The following KCTD16 variants were observed in gnomAD, a reference collection of about 807,000 sequenced individuals.
The protein encoded by KCTD16 is potassium channel tetramerization domain containing 16.
KCTD16 carries 13 observed loss-of-function variants against 33.2 expected under a neutral mutation model. That is an observed-to-expected ratio of 0.39 (90% CI 0.25 to 0.62). The LOEUF (loss-of-function observed/expected upper bound fraction) is 0.62. Ranked by LOEUF, KCTD16 falls within the 20% of genes least tolerant of loss-of-function variation. KCTD16 has a pLI of 0.50. For synonymous variants in KCTD16, 197 were observed against 195.3 expected (o/e 1.01, Z -0.07); for missense variants, 441 against 525.1 (o/e 0.84, Z 1.57).
chr5:144,378,329 A>G (rs1418750483), intron 3 of KCTD16, among the ~76,000 whole-genome samples: 2 of 152,204 alleles, frequency 1.3e-5, no homozygotes, highest in East Asian at 3.9e-4. Context: ...AAGGTGGTGT[A>G]TATTGCCAGA....
At chr5:144,215,341 C>T (rs1369555971) in intron 3 of KCTD16, among the ~76,000 whole-genome samples, 1 of 152,180 alleles carries the variant, frequency 6.6e-6, no homozygotes. Context: ...TGATAAATAT[C>T]CCCAATAGAA....
intron 3 of KCTD16, among the ~76,000 whole-genome samples, chr5:144,291,669 A>G (rs987675515): frequency 5.9e-5 from 9 of 152,240 alleles, no homozygotes; most frequent in Non-Finnish European, 1.0e-4. Context: ...ATGGCTTCCA[A>G]TGAGGTACGC....
At chr5:144,394,851 T>C (rs1341511573) in intron 3 of KCTD16, among the ~76,000 whole-genome samples, 2 of 152,248 alleles carry the variant, frequency 1.3e-5, no homozygotes, top group Non-Finnish European at 2.9e-5. Context: ...TAAACTTCTT[T>C]CCTTTAAAAA....
rs963668978 is a variant in KCTD16, at chr5:144,478,360, T to C, written c.*4246T>C. 10 of 152,074 alleles carry C rather than the reference T, an allele frequency of 6.6e-5. No individual in the cohort carries two copies. Among genetic ancestry groups the C allele is most frequent in the African/African-American group, 2.2e-4 (9 of 41,448 alleles). 9.4% of individuals were successfully genotyped at this position (152,074 alleles called of 1,614,324 possible). ...CTACCCCTGCTGAAAGAATAGAGTC[T>C]TAAACTTTAATAATCACAGCCTTGT... On this transcript the variant is annotated 3_prime_UTR_variant, in exon 4 of 4. Transcript: ENST00000512467.
chr5:144,340,909 G>A (rs565294245), intron 3 of KCTD16, among the ~76,000 whole-genome samples: 3 of 152,060 alleles, frequency 2.0e-5, no homozygotes, highest in African/African-American at 4.8e-5. Context: ...AATTAGCCAG[G>A]CACGGTGGTG....
intron 3 of KCTD16, among the ~76,000 whole-genome samples, chr5:144,417,917 C>A (rs1753108156): frequency 6.6e-6 from 1 of 152,132 alleles, no homozygotes; most frequent in African/African-American, 2.4e-5. Flanking sequence ...GCTATGGACC[C>A]TCACAGTGAG....
At chr5:144,299,102 A>ATATATCACTATG (rs1756143771) in intron 3 of KCTD16, among the ~76,000 whole-genome samples, 1 of 8,212 alleles carries the variant, frequency 1.2e-4, no homozygotes, top group African/African-American at 3.2e-4. Flanking sequence ...CTATGTATAT[A>ATATATCACTATG]TATATATATA....
intron 3 of KCTD16, among the ~76,000 whole-genome samples, chr5:144,264,510 C>T (rs1222304235): frequency 1.3e-5 from 2 of 152,066 alleles, no homozygotes; most frequent in Non-Finnish European, 2.9e-5. Context: ...TGACTATAAT[C>T]CCAACACTTT....
chr5:144,205,924 C>T (rs977045055), intron 2 of KCTD16: 1 of 183,492 alleles, frequency 5.4e-6, no homozygotes, highest in Non-Finnish European at 1.1e-5. Flanking sequence ...ATACCTCGGT[C>T]GTTTACCTGT....
chr5:144,213,687 G>C (rs1753471850), intron 3 of KCTD16, among the ~76,000 whole-genome samples: 1 of 152,166 alleles, frequency 6.6e-6, no homozygotes, highest in Admixed American at 6.6e-5. Context: ...TTGGAGGATT[G>C]AAATGCTATA....
chr5:144,446,594 G>T (rs1269377933), intron 3 of KCTD16, among the ~76,000 whole-genome samples: 1 of 152,084 alleles, frequency 6.6e-6, no homozygotes, highest in African/African-American at 2.4e-5. Context: ...CACAGCGAAA[G>T]AAACTATCAT....
At chr5:144,285,962 CTT>C (rs34103216) in intron 3 of KCTD16, among the ~76,000 whole-genome samples, 27,492 of 117,152 alleles carry the variant, frequency 0.23, 2,680 homozygotes, top group Non-Finnish European at 0.29. Flanking sequence ...CCATCCTAAT[CTT>C]TTTTTTTTTT....
chr5:144,343,792 T>C (rs532953651), intron 3 of KCTD16, among the ~76,000 whole-genome samples: 91 of 152,336 alleles, frequency 6.0e-4, no homozygotes, highest in African/African-American at 2.1e-3. Context: ...TTTGTTCTCA[T>C]TGGTTTCAAA....
chr5:144,300,544 C>G lies in KCTD16; in HGVS notation c.832+92998C>G, dbSNP rs78701006. On this transcript the variant is annotated intron_variant, in intron 3 of 3. Coordinates refer to ENST00000512467, the MANE Select transcript of KCTD16 (RefSeq NM_020768.4). ...GAATTTATTACATATATGCAATACA[C>G]AAGTTATAACTGACCTTATACACCA... is the stretch of plus-strand genomic sequence containing the variant. 3.7e-3 allele frequency among the ~76,000 whole-genome samples: 557 copies of G among 152,258 alleles called. 3 individuals are homozygous for G. Among genetic ancestry groups the G allele is most frequent in the African/African-American group, 0.013 (537 of 41,556 alleles).
At chr5:144,448,738 C>T (rs1179008062) in intron 3 of KCTD16, among the ~76,000 whole-genome samples, 1 of 152,058 alleles carries the variant, frequency 6.6e-6, no homozygotes, top group Non-Finnish European at 1.5e-5. Flanking sequence ...AAGATTTTGA[C>T]TTGTCTCCAT....
intron 3 of KCTD16, among the ~76,000 whole-genome samples, chr5:144,287,488 A>G (rs753205655): frequency 1.3e-5 from 2 of 152,230 alleles, no homozygotes; most frequent in Admixed American, 1.3e-4. Context: ...CAGAAAAAAT[A>G]TCAGTAAGTA....
At chr5:144,217,343 TC>T (rs1753596730) in intron 3 of KCTD16, among the ~76,000 whole-genome samples, 1 of 152,224 alleles carries the variant, frequency 6.6e-6, no homozygotes, top group South Asian at 2.1e-4. Context: ...GATTTTTTTT[TC>T]CTTAAATAGA....
chr5:144,250,954 A>G (rs1034653236), intron 3 of KCTD16, among the ~76,000 whole-genome samples: 6 of 152,112 alleles, frequency 3.9e-5, no homozygotes, highest in African/African-American at 9.7e-5. Flanking sequence ...ATATATGTAT[A>G]TATGTTTTAA....
chr5:144,223,936 A>T (rs1753843177), intron 3 of KCTD16, among the ~76,000 whole-genome samples: 1 of 151,952 alleles, frequency 6.6e-6, no homozygotes. Context: ...CCTAGGGCTC[A>T]GCGTAGGTGT....
Sources: gnomAD v4.1 joint callset for allele counts (sites outside exome capture counted in the v4.1 genomes callset) on GRCh38, gnomAD v4.1.1 for gene constraint, MANE v1.5 for transcripts, NCBI Gene and HGNC (gene_info 2026-07-23, HGNC 2026-07-21) for gene names.